Variants in CEACAM21 observed in about 807,000 individuals in gnomAD.
CEACAM21 encodes cell adhesion molecule CEACAM21.
CEACAM21 carries 38 observed loss-of-function variants against 33.2 expected under a neutral mutation model. The ratio of observed to expected loss-of-function variants is 1.14; its 90% CI spans 0.88 to 1.50. CEACAM21 has a LOEUF of 1.50. Ranked by LOEUF, CEACAM21 falls within the 40% of genes most tolerant of loss-of-function variation. The pLI is 0.00. For synonymous variants in CEACAM21, 156 were observed against 143.0 expected, an observed-to-expected ratio of 1.09 and a Z score of -0.65; for missense variants, 385 against 364.6, an observed-to-expected ratio of 1.06 and a Z score of -0.46.
chr19:41,551,162 T>TTTA (rs2041175943), intron 1 of CEACAM21: 2 of 145,636 alleles, frequency 1.4e-5, no homozygotes, highest in Non-Finnish European at 3.0e-5. Flanking sequence ...TCCTTTTCCT[T>TTTA]TTTTTTTTTT....
intron 2 of CEACAM21, among the ~76,000 whole-genome samples, chr19:41,567,769 G>C (rs1245085169): frequency 1.3e-5 from 2 of 152,110 alleles, no homozygotes; most frequent in East Asian, 3.8e-4. Flanking sequence ...GGCAAAGTTT[G>C]GTCTAAGACT....
intron 1 of CEACAM21, chr19:41,551,160 C>CTTATT (rs1555784107): frequency 7.7e-6 from 1 of 129,372 alleles, no homozygotes; most frequent in African/African-American, 3.0e-5. Context: ...TTTCCTTTTC[C>CTTATT]TTTTTTTTTT....
chr19:41,576,460 G>C (rs1325100051), intron 1 of CEACAM21, 122 bp downstream of exon 1: 1 of 1,123,832 alleles, frequency 8.9e-7, no homozygotes, highest in African/African-American at 1.6e-5. Flanking sequence ...TCAGGGGAGA[G>C]AGCGTCTAAG....
upstream of CEACAM21, among the ~76,000 whole-genome samples, chr19:41,575,968 T>C (rs2042909825): frequency 6.6e-6 from 1 of 151,426 alleles, no homozygotes; most frequent in African/African-American, 2.4e-5. Flanking sequence ...CTGGGGAGAG[T>C]GGGTCGTCCT....
At chr19:41,555,111 C>G (rs2041456710) in intron 1 of CEACAM21, 1 of 152,054 alleles carries the variant, frequency 6.6e-6, no homozygotes, top group African/African-American at 2.4e-5. Flanking sequence ...TGAGTATTTC[C>G]TGCCTTGATT....
chr19:41,563,330 C>T (rs1171614849), intron 1 of CEACAM21, among the ~76,000 whole-genome samples: 7 of 152,204 alleles, frequency 4.6e-5, no homozygotes, highest in African/African-American at 1.7e-4. Context: ...GTCCTGGCCA[C>T]CCCGGGACAG....
chr19:41,570,066 G>A (rs925430436), intron 2 of CEACAM21, among the ~76,000 whole-genome samples: 1 of 152,206 alleles, frequency 6.6e-6, no homozygotes, highest in Non-Finnish European at 1.5e-5. Context: ...GCCTCCAGGC[G>A]GCAGTCACCC....
chr19:41,573,299 C>T (rs1248832671), upstream of CEACAM21, among the ~76,000 whole-genome samples: 1 of 152,188 alleles, frequency 6.6e-6, no homozygotes, highest in Non-Finnish European at 1.5e-5. Flanking sequence ...ATGGAATACT[C>T]GGGGCCTCTT....
chr19:41,568,622 T>G (rs1447397146), intron 2 of CEACAM21, among the ~76,000 whole-genome samples: 2 of 152,204 alleles, frequency 1.3e-5, no homozygotes, highest in Non-Finnish European at 2.9e-5. Context: ...TTCTGGGATT[T>G]TTATTCTGTT....
chr19:41,568,172 T>C (rs2042385776), intron 2 of CEACAM21, among the ~76,000 whole-genome samples: 1 of 151,658 alleles, frequency 6.6e-6, no homozygotes, highest in Non-Finnish European at 1.5e-5. Context: ...ATCAGATGTA[T>C]ATATTTACAA....
At chr19:41,584,235 T>A in intron 3 of CEACAM21, 112 bp from the exon 4 acceptor site, 1 of 879,140 alleles carries the variant, frequency 1.1e-6, no homozygotes, top group Non-Finnish European at 1.8e-6. Context: ...CAGACCACAC[T>A]CAGGCTCCAT....
chr19:41,568,930 A>C (rs2122197795), intron 2 of CEACAM21, among the ~76,000 whole-genome samples: 1 of 152,350 alleles, frequency 6.6e-6, no homozygotes, highest in African/African-American at 2.4e-5. Context: ...CCAATTCATG[A>C]ACATGGAATA....
rs375863304 is a variant in CEACAM21, at chr19:41,585,647, C to T, written c.850+152C>T. ...CATCACACAGGAAACCCCAACTGGC[C>T]GGGTCAGCCCTAACCTCCGGGCTCT... On this transcript the variant is annotated intron_variant, in intron 5 of 6. Transcript: ENST00000401445. Among the ~76,000 whole-genome samples the T allele has an allele frequency of 1.6e-4, 25 of 152,212 alleles. No individual in the cohort carries two copies. In the East Asian group the frequency reaches 3.3e-3, roughly 20 times the overall value.
chr19:41,555,771 G>C (rs1236399005), intron 1 of CEACAM21, among the ~76,000 whole-genome samples: 1 of 152,156 alleles, frequency 6.6e-6, no homozygotes, highest in Non-Finnish European at 1.5e-5. Context: ...TTCATTGGTG[G>C]TGTTTTCACA....
At chr19:41,549,867 T>C (rs1555783821) in intron 1 of CEACAM21, among the ~76,000 whole-genome samples, 1 of 152,192 alleles carries the variant, frequency 6.6e-6, no homozygotes, top group East Asian at 1.9e-4. Context: ...TTTTTTTTAA[T>C]TCCTTTTTAA....
intron 2 of CEACAM21, 36 bp from the exon 3 acceptor site, chr19:41,579,317 C>T (rs782535056): frequency 1.9e-6 from 3 of 1,613,980 alleles, no homozygotes; most frequent in Non-Finnish European, 8.5e-7. Context: ...TGCAGCATGG[C>T]CCCAAGACAC....
chr19:41,569,525 A>G (rs10415465), intron 2 of CEACAM21, among the ~76,000 whole-genome samples: 11,460 of 151,924 alleles, frequency 0.075, 847 homozygotes, highest in East Asian at 0.36. Flanking sequence ...CGGGTTGGGG[A>G]AGGTGAGGTT....
chr19:41,550,940 T>C (rs782336152), intron 1 of CEACAM21, among the ~76,000 whole-genome samples: 10 of 152,326 alleles, frequency 6.6e-5, no homozygotes, highest in South Asian at 2.1e-4. Flanking sequence ...AAAAAAATAC[T>C]ACCTTTTGGA....
chr19:41,580,310 T>TGGGG (rs3030814), intron 3 of CEACAM21, among the ~76,000 whole-genome samples: 1 of 151,240 alleles, frequency 6.6e-6, no homozygotes, highest in African/African-American at 2.4e-5. Flanking sequence ...CCAAATGTGA[T>TGGGG]GGGGGGGGGT....
Sources: allele counts gnomAD v4.1 joint callset (sites outside exome capture counted in the v4.1 genomes callset), GRCh38; gene constraint gnomAD v4.1.1; transcripts MANE v1.5; gene names NCBI Gene and HGNC (gene_info 2026-07-23, HGNC 2026-07-21).